The following DENND2B variants were observed in gnomAD, a reference collection of about 807,000 sequenced individuals.
The protein encoded by DENND2B is DENN domain containing 2B.
A neutral mutation model predicts 116.0 loss-of-function variants in DENND2B; 32 were observed. The ratio of observed to expected loss-of-function variants is 0.28; its 90% CI spans 0.21 to 0.37. DENND2B has a LOEUF of 0.37. DENND2B is among the 10% of genes least tolerant of loss of function. The pLI is 1.00. For synonymous variants in DENND2B, 588 were observed against 583.9 expected, an observed-to-expected ratio of 1.01 and a Z score of -0.10; for missense variants, 1,276 against 1,477.7, an observed-to-expected ratio of 0.86 and a Z score of 2.24.
chr11:8,814,300 T>C (rs2061497135), upstream of DENND2B, among the ~76,000 whole-genome samples: 1 of 126,934 alleles, frequency 7.9e-6, no homozygotes. Context: ...CCAGATCAGG[T>C]CATTTCCTGC....
At chr11:8,751,916 TAAAAAG>T (rs1241532442) in intron 1 of DENND2B, among the ~76,000 whole-genome samples, 1 of 152,140 alleles carries the variant, frequency 6.6e-6, no homozygotes, top group Non-Finnish European at 1.5e-5. Context: ...TTCCTTTTCT[TAAAAAG>T]AAAAAAGTCA....
At chr11:8,775,462 G>C (rs1593501736) in intron 1 of DENND2B, among the ~76,000 whole-genome samples, 1 of 152,124 alleles carries the variant, frequency 6.6e-6, no homozygotes, top group East Asian at 1.9e-4. Flanking sequence ...CCACTGACAG[G>C]TTGTAACCCC....
chr11:8,726,152 G>A lies in DENND2B; in HGVS notation c.1398C>T (p.Pro466=). Residue 466 remains proline (P), a synonymous_variant, in exon 4 of 20, where the codon CCC becomes CCT. Transcript: ENST00000313726. ...GTTGGTTCTCAGTACCATTCTCAGT[G>A]GGAGAAGAGGGGTACAGGGACTGGA... ...SSLQSLYPSS[P]TENGTENQPK... is the part of the protein sequence containing the mutation. 1 of 1,614,108 alleles carries A rather than the reference G, an allele frequency of 6.2e-7. No homozygotes were observed. Among genetic ancestry groups the A allele is most frequent in the South Asian group, 1.1e-5 (1 of 91,068 alleles).
At chr11:8,717,514 A>G (rs966089199) in intron 5 of DENND2B, among the ~76,000 whole-genome samples, 7 of 152,208 alleles carry the variant, frequency 4.6e-5, no homozygotes, top group Admixed American at 4.6e-4. Flanking sequence ...CCAATTGTCC[A>G]CAGAGGTTTC....
At chr11:8,879,950 G>C (rs754309027) in intron 2 of DENND2B, among the ~76,000 whole-genome samples, 1 of 152,174 alleles carries the variant, frequency 6.6e-6, no homozygotes, top group Admixed American at 6.5e-5. Context: ...TTATGAAAAG[G>C]TTAGTCACAT....
chr11:8,710,328 C>A (rs527805441), intron 11 of DENND2B, among the ~76,000 whole-genome samples: 4 of 152,130 alleles, frequency 2.6e-5, no homozygotes, highest in Non-Finnish European at 5.9e-5. Context: ...GTATCTCTCT[C>A]AGATTCCCAG....
chr11:8,776,520 G>C (rs16905815), intron 1 of DENND2B: 3,145 of 288,718 alleles, frequency 0.011, 94 homozygotes, highest in African/African-American at 0.065. Context: ...CCTGAACCAT[G>C]CAGGCAGCAG....
At position 8,730,211 on chromosome 11, in the gene DENND2B, G is replaced by A. The variant is rs1328436480; in HGVS notation, c.1079C>T (p.Thr360Ile). 1.9e-6 allele frequency: 3 copies of A among 1,613,488 alleles called. No individual in the cohort carries two copies. ...GCTATTTCCAGGGGTCCCGGGCTTA[G>A]TGGAACCACTGCCTTCCCTCTCTGG... ...PPPEREGSGSTKPGTPGNSPS... is the reference protein window; with the variant it reads ...PPPEREGSGSIKPGTPGNSPS... The change falls in exon 3 of 20, where the codon ACT becomes ATT. Residue 360 changes from threonine (T) to isoleucine (I), a missense_variant. Thr to Ile is a moderately conservative substitution (Grantham distance 89). Transcript: ENST00000313726. The surrounding 1 kb of genome is among the most constrained non-coding windows in gnomAD (Gnocchi z 4.1).
chr11:8,784,060 G>A (rs1385514876), intron 1 of DENND2B: 2 of 152,150 alleles, frequency 1.3e-5, no homozygotes, highest in African/African-American at 4.8e-5. Context: ...GGTGAGCGAA[G>A]TGTGTGAGCG....
intron 2 of DENND2B, among the ~76,000 whole-genome samples, chr11:8,863,538 C>T (rs1594289006): frequency 6.6e-6 from 1 of 152,036 alleles, no homozygotes; most frequent in East Asian, 1.9e-4. Flanking sequence ...CGGCCTGCCT[C>T]TTACGCCACT....
At chr11:8,890,301 G>A (rs1467659667) in intron 1 of DENND2B, among the ~76,000 whole-genome samples, 2 of 152,154 alleles carry the variant, frequency 1.3e-5, no homozygotes, top group East Asian at 3.8e-4. Flanking sequence ...AAAAAACAGA[G>A]CAGAAAAGCT....
upstream of DENND2B, among the ~76,000 whole-genome samples, chr11:8,875,390 T>C (rs2063831263): frequency 2.0e-5 from 3 of 151,654 alleles, no homozygotes; most frequent in Admixed American, 6.6e-5. Context: ...AAACCAAAAT[T>C]TGCATGCAAA....
At chr11:8,901,742 T>A in intron 1 of DENND2B, among the ~76,000 whole-genome samples, 1 of 152,206 alleles carries the variant, frequency 6.6e-6, no homozygotes, top group East Asian at 1.9e-4. Context: ...ACCTATGCGT[T>A]GTTTAATTTG....
intron 1 of DENND2B, among the ~76,000 whole-genome samples, chr11:8,781,615 T>TAAACACACAC (rs1006952875): frequency 1.3e-5 from 2 of 148,914 alleles, no homozygotes; most frequent in African/African-American, 4.9e-5. Flanking sequence ...AATTTAGGAA[T>TAAACACACAC]ACACACACAC....
At position 8,721,033 on chromosome 11, in the gene DENND2B, C is replaced by T. The variant is rs557066463; in HGVS notation, c.1478-3141G>A. ...AGTCCACATGACCCTTGGAGAGGGA[C>T]GAAGAGGTGGACCCTCTTCCCTGAA... On this transcript the variant is annotated intron_variant, in intron 4 of 19. Transcript: ENST00000313726. Among the ~76,000 whole-genome samples the T allele has an allele frequency of 2.4e-4, 36 of 152,160 alleles. No homozygotes were observed. In the East Asian group the frequency reaches 4.3e-3, roughly 18 times the overall value.
At chr11:8,726,384 G>T in intron 3 of DENND2B, 175 bp from the exon 4 acceptor site, 1 of 788,768 alleles carries the variant, frequency 1.3e-6, no homozygotes, top group Non-Finnish European at 1.9e-6. Flanking sequence ...TGGTCTGAAA[G>T]GCCCCAGCCT....
rs1243509962 is a variant in DENND2B at position 8,774,704 on chromosome 11, A to G, written c.-25-23979T>C. 2.0e-5 allele frequency among the ~76,000 whole-genome samples: 3 copies of G among 152,224 alleles called. No individual in the cohort carries two copies. In the East Asian group the frequency reaches 5.8e-4, roughly 29 times the overall value. On this transcript the variant is annotated intron_variant, in intron 1 of 19. Coordinates refer to ENST00000313726, the MANE Select transcript of DENND2B (RefSeq NM_213618.2). Reference sequence around the variant, plus strand: ...TCCCCAAAACCAAGACATATGTCTCAAGGCTGGGCAGGAAGTTGCCCCCAG... The same window carrying G: ...TCCCCAAAACCAAGACATATGTCTCGAGGCTGGGCAGGAAGTTGCCCCCAG...
At chr11:8,725,747 T>C (rs934276502) in intron 4 of DENND2B, among the ~76,000 whole-genome samples, 12 of 152,192 alleles carry the variant, frequency 7.9e-5, no homozygotes, top group African/African-American at 2.2e-4. Flanking sequence ...AGTTAAGTGA[T>C]TTGCCTTAAG....
At chr11:8,701,355 GGGGGA>G (rs796760654) in intron 14 of DENND2B, among the ~76,000 whole-genome samples, 1,412 of 30,220 alleles carry the variant, frequency 0.047, 184 homozygotes, top group East Asian at 0.1. Flanking sequence ...GGGGGGGGGG[GGGGGA>G]GGGGCTACAT....
Sources: gnomAD v4.1 joint callset for allele counts (sites outside exome capture counted in the v4.1 genomes callset) on GRCh38, gnomAD v4.1.1 for gene constraint, Gnocchi (gnomAD v3.1) non-coding constraint, MANE v1.5 for transcripts, NCBI Gene and HGNC (gene_info 2026-07-23, HGNC 2026-07-21) for gene names.